Variants in AVEN observed in about 807,000 individuals in gnomAD.
The protein encoded by AVEN is apoptosis and caspase activation inhibitor.
Under a neutral mutation model 38.1 loss-of-function variants are expected in AVEN, and 41 were observed. That is an observed-to-expected ratio of 1.08 (90% CI 0.84 to 1.40). The LOEUF (loss-of-function observed/expected upper bound fraction) is 1.40, where lower values mean the gene tolerates loss of function less well. AVEN is among the 40% of genes most tolerant of loss of function. The pLI is 0.00. For missense variants in AVEN, 605 were observed against 438.8 expected, an observed-to-expected ratio of 1.38 and a Z score of -3.38; for synonymous variants, 206 against 171.8, an observed-to-expected ratio of 1.20 and a Z score of -1.56.
intron 2 of AVEN, among the ~76,000 whole-genome samples, chr15:33,996,472 G>T (rs531224218): frequency 6.6e-6 from 1 of 152,170 alleles, no homozygotes; most frequent in Non-Finnish European, 1.5e-5. Context: ...CCTCTGGGAC[G>T]AAGCTTCCAG....
chr15:34,069,942 C>T (rs1900594671), intron 2 of AVEN, among the ~76,000 whole-genome samples: 1 of 152,136 alleles, frequency 6.6e-6, no homozygotes, highest in Admixed American at 6.6e-5. Flanking sequence ...ATCCTTTATA[C>T]CTTCCATCCC....
intron 1 of AVEN, among the ~76,000 whole-genome samples, chr15:34,034,447 A>T (rs1316159287): frequency 0.023 from 487 of 20,864 alleles, 4 homozygotes; most frequent in African/African-American, 0.038. Flanking sequence ...TTTCTTTTTT[A>T]AAAAAAAAAA....
intron 5 of AVEN, chr15:34,046,774 C>T (rs1000280892): frequency 6.6e-6 from 1 of 152,410 alleles, no homozygotes; most frequent in Non-Finnish European, 1.5e-5. Context: ...GGGCAAACAA[C>T]TTGACCCACA....
At chr15:34,010,590 T>C (rs371557032) in intron 1 of AVEN, among the ~76,000 whole-genome samples, 2,775 of 151,654 alleles carry the variant, frequency 0.018, 81 homozygotes, top group African/African-American at 0.064. Context: ...ATTCACACCA[T>C]TTTTCACCCA....
At chr15:33,858,746 G>C (rs971673997), downstream of AVEN, 6 of 152,256 alleles carry the variant, frequency 3.9e-5, no homozygotes, top group African/African-American at 1.4e-4. Context: ...CCCAGAGTAA[G>C]CCAGCTTGGC....
At chr15:34,071,708 T>C (rs1447327590) in intron 1 of AVEN, among the ~76,000 whole-genome samples, 1 of 152,164 alleles carries the variant, frequency 6.6e-6, no homozygotes, top group East Asian at 1.9e-4. Context: ...TACCATATAG[T>C]GCACTGCAGT....
At position 33,867,922 on chromosome 15, in the gene AVEN, T is replaced by C. The variant is rs535897385; in HGVS notation, c.613-67A>G. 2.3e-5 allele frequency: 35 copies of C among 1,501,072 alleles called. No homozygotes were observed. In the African/African-American group the frequency reaches 2.4e-4, roughly 10 times the overall value. 93.0% of individuals were successfully genotyped at this position (1,501,072 alleles called of 1,614,324 possible). ...TGCCATATTGGCTTAAGTAAATACA[T>C]AGGAGGCTAAACGAAGCCATCAAAC... is the stretch of plus-strand genomic sequence containing the variant. On this transcript the variant is annotated intron_variant, in intron 4 of 5. Coordinates refer to ENST00000306730, the MANE Select transcript of AVEN (RefSeq NM_020371.3).
At chr15:33,906,894 T>C (rs1319060963) in intron 2 of AVEN, among the ~76,000 whole-genome samples, 3 of 152,140 alleles carry the variant, frequency 2.0e-5, no homozygotes, top group Non-Finnish European at 2.9e-5. Flanking sequence ...GTAAATCTTA[T>C]GTATATTTTA....
intron 4 of AVEN, among the ~76,000 whole-genome samples, chr15:33,868,479 A>G (rs574669438): frequency 7.0e-6 from 1 of 142,600 alleles, no homozygotes; most frequent in South Asian, 2.3e-4. Context: ...TGGGAGGCGG[A>G]GCTTGCAGTA....
chr15:33,879,115 C>T (rs7168862), intron 2 of AVEN, among the ~76,000 whole-genome samples: 2,327 of 151,676 alleles, frequency 0.015, 64 homozygotes, highest in African/African-American at 0.053. Context: ...ATGTTTACTG[C>T]GGCACTATTC....
intron 2 of AVEN, among the ~76,000 whole-genome samples, chr15:33,983,170 G>GTATA (rs1555512775): frequency 0.013 from 1,626 of 126,508 alleles, 47 homozygotes; most frequent in African/African-American, 0.047. Flanking sequence ...ATGTGTGTGT[G>GTATA]TATATATACA....
At chr15:33,854,548 C>T, downstream of AVEN, 5 of 1,124,760 alleles carry the variant, frequency 4.4e-6, no homozygotes, top group Admixed American at 8.3e-5. Context: ...TCAGGGATTG[C>T]TTATCAAAGA....
intron 5 of AVEN, among the ~76,000 whole-genome samples, chr15:34,053,319 A>ATATATATATATATATATAT (rs1555520677): frequency 2.4e-5 from 1 of 42,066 alleles, no homozygotes; most frequent in African/African-American, 8.0e-5. Context: ...AAAAAAAAAA[A>ATATATATATATATATATAT]ATATATATAT....
intron 2 of AVEN, among the ~76,000 whole-genome samples, chr15:33,878,943 A>T (rs1891366611): frequency 6.6e-6 from 1 of 152,144 alleles, no homozygotes; most frequent in Non-Finnish European, 1.5e-5. Context: ...GAACTTCTAT[A>T]TTAGAAATGA....
intron 11 of AVEN, chr15:33,859,735 T>G (rs747788382): frequency 1.2e-6 from 2 of 1,604,140 alleles, no homozygotes; most frequent in Non-Finnish European, 1.7e-6. Context: ...ATTCAAGGTA[T>G]GATTGCCAAT....
At chr15:33,873,380 G>A (rs1022509460) in intron 3 of AVEN, among the ~76,000 whole-genome samples, 9 of 150,244 alleles carry the variant, frequency 6.0e-5, no homozygotes, top group African/African-American at 1.7e-4. Context: ...GATTATAGGC[G>A]TGAGCCACTG....
intron 2 of AVEN, among the ~76,000 whole-genome samples, chr15:33,915,026 C>T (rs777603332): frequency 9.2e-5 from 14 of 151,974 alleles, no homozygotes; most frequent in Admixed American, 2.6e-4. Flanking sequence ...AAAGTACCCT[C>T]AAAAAATGAT....
downstream of AVEN, chr15:33,854,722 T>G (rs748900792): frequency 1.3e-6 from 2 of 1,573,702 alleles, no homozygotes; most frequent in Non-Finnish European, 1.7e-6. Flanking sequence ...ATGAGCACAC[T>G]ATGAGGCAAA....
intron 5 of AVEN, among the ~76,000 whole-genome samples, chr15:34,045,027 G>A (rs148004616): frequency 0.02 from 3,084 of 152,236 alleles, 125 homozygotes; most frequent in African/African-American, 0.07. Context: ...CAGCCTGGGC[G>A]ACAGAGCGAG....
Sources: allele counts gnomAD v4.1 joint callset (sites outside exome capture counted in the v4.1 genomes callset), GRCh38; gene constraint gnomAD v4.1.1; transcripts MANE v1.5; gene names NCBI Gene and HGNC (gene_info 2026-07-23, HGNC 2026-07-21).